Variants in HS6ST3 observed in about 807,000 individuals in gnomAD.
HS6ST3 encodes heparan-sulfate 6-O-sulfotransferase 3.
HS6ST3 carries 12 observed loss-of-function variants against 36.7 expected under a neutral mutation model. The ratio of observed to expected loss-of-function variants is 0.33; its 90% CI spans 0.21 to 0.53. HS6ST3 has a LOEUF of 0.53. Ranked by LOEUF, HS6ST3 falls within the 20% of genes least tolerant of loss-of-function variation. The pLI is 0.95. For synonymous variants in HS6ST3, 240 were observed against 257.5 expected (o/e 0.93, Z 0.65); for missense variants, 584 against 640.9 (o/e 0.91, Z 0.96).
At chr13:96,158,892 C>G (rs1235140047) in intron 1 of HS6ST3, among the ~76,000 whole-genome samples, 2 of 151,882 alleles carry the variant, frequency 1.3e-5, no homozygotes, top group African/African-American at 4.8e-5. Context: ...AGAGCAAGAG[C>G]CAGGGTCCTT....
chr13:96,764,085 A>T (rs893061137), intron 1 of HS6ST3, among the ~76,000 whole-genome samples: 2 of 152,224 alleles, frequency 1.3e-5, no homozygotes, highest in African/African-American at 4.8e-5. Flanking sequence ...GTTTACTCAC[A>T]TTCACGTCTT....
intron 1 of HS6ST3, among the ~76,000 whole-genome samples, chr13:96,133,564 A>G (rs769593796): frequency 9.9e-5 from 15 of 152,064 alleles, no homozygotes; most frequent in Non-Finnish European, 2.1e-4. Context: ...GTGGGACTAC[A>G]GGTGTGCACC....
At chr13:96,425,132 C>T (rs1361925474) in intron 1 of HS6ST3, among the ~76,000 whole-genome samples, 1 of 152,274 alleles carries the variant, frequency 6.6e-6, no homozygotes, top group South Asian at 2.1e-4. Flanking sequence ...ATGCATGTAA[C>T]TAAAGGCAAA....
intron 1 of HS6ST3, among the ~76,000 whole-genome samples, chr13:96,330,757 G>T (rs1411365528): frequency 1.3e-5 from 2 of 150,548 alleles, no homozygotes; most frequent in Non-Finnish European, 3.0e-5. Context: ...AAGTTCTCCT[G>T]GATAATATCC....
intron 1 of HS6ST3, among the ~76,000 whole-genome samples, chr13:96,207,683 A>G (rs1175158127): frequency 6.6e-6 from 1 of 152,206 alleles, no homozygotes; most frequent in Admixed American, 6.5e-5. Flanking sequence ...TTGCAGGGAC[A>G]TGGATGGAAT....
chr13:96,816,973 CT>C (rs1209334808), intron 1 of HS6ST3, among the ~76,000 whole-genome samples: 2 of 152,246 alleles, frequency 1.3e-5, no homozygotes, highest in African/African-American at 2.4e-5. Context: ...GATTCTACCC[CT>C]ATCTACTGGG....
intron 1 of HS6ST3, among the ~76,000 whole-genome samples, chr13:96,508,838 C>T (rs755278113): frequency 1.4e-4 from 22 of 152,050 alleles, no homozygotes; most frequent in Non-Finnish European, 2.1e-4. Flanking sequence ...TATAAACATA[C>T]GTGTGCAAGT....
At chr13:96,324,235 A>G (rs930039113) in intron 1 of HS6ST3, among the ~76,000 whole-genome samples, 2 of 152,218 alleles carry the variant, frequency 1.3e-5, no homozygotes, top group Non-Finnish European at 2.9e-5. Flanking sequence ...CCACTCCACC[A>G]ACATAACATA....
At chr13:96,424,998 G>A (rs1413950416) in intron 1 of HS6ST3, among the ~76,000 whole-genome samples, 1 of 152,116 alleles carries the variant, frequency 6.6e-6, no homozygotes, top group African/African-American at 2.4e-5. Context: ...GATTTTTGGG[G>A]GGATAAAGAG....
At chr13:96,199,864 T>TA (rs748013806) in intron 1 of HS6ST3, among the ~76,000 whole-genome samples, 1 of 152,004 alleles carries the variant, frequency 6.6e-6, no homozygotes, top group Non-Finnish European at 1.5e-5. Context: ...TTTTTTTTTT[T>TA]ATATAGCTTT....
At chr13:96,114,304 C>T (rs1242998465) in intron 1 of HS6ST3, among the ~76,000 whole-genome samples, 8 of 152,106 alleles carry the variant, frequency 5.3e-5, no homozygotes, top group South Asian at 2.1e-4. Flanking sequence ...AGGTTGTCAC[C>T]GTGCCTGGCT....
intron 1 of HS6ST3, among the ~76,000 whole-genome samples, chr13:96,267,952 C>T (rs1174773540): frequency 6.6e-6 from 1 of 151,834 alleles, no homozygotes; most frequent in African/African-American, 2.4e-5. Context: ...TAGGCAGCTT[C>T]CTTCTTGCTG....
intron 1 of HS6ST3, among the ~76,000 whole-genome samples, chr13:96,266,713 A>G (rs543797239): frequency 2.0e-5 from 3 of 152,250 alleles, no homozygotes; most frequent in African/African-American, 7.2e-5. Context: ...AAAAAAATAC[A>G]CTATAGCTAA....
At chr13:96,420,927 A>C (rs994714654) in intron 1 of HS6ST3, among the ~76,000 whole-genome samples, 1 of 152,108 alleles carries the variant, frequency 6.6e-6, no homozygotes, top group African/African-American at 2.4e-5. Context: ...CTCCAGTTTG[A>C]CCTTTTTTCC....
intron 1 of HS6ST3, among the ~76,000 whole-genome samples, chr13:96,387,988 C>G (rs927481133): frequency 4.6e-5 from 7 of 152,148 alleles, no homozygotes; most frequent in African/African-American, 1.7e-4. Flanking sequence ...ACCACCAATT[C>G]TGATATAAAA....
At chr13:96,655,026 T>C (rs908613535) in intron 1 of HS6ST3, among the ~76,000 whole-genome samples, 1 of 152,140 alleles carries the variant, frequency 6.6e-6, no homozygotes, top group African/African-American at 2.4e-5. Flanking sequence ...ACTTCTTGGC[T>C]GTCTTGGCTG....
intron 1 of HS6ST3, among the ~76,000 whole-genome samples, chr13:96,712,680 G>A (rs943023388): frequency 4.6e-5 from 7 of 152,164 alleles, no homozygotes; most frequent in African/African-American, 1.7e-4. Context: ...GCAACTGTCA[G>A]ATGGCTTCCG....
chr13:96,096,546 T>C (rs1452664487), intron 1 of HS6ST3, among the ~76,000 whole-genome samples: 2 of 152,234 alleles, frequency 1.3e-5, no homozygotes, highest in Non-Finnish European at 2.9e-5. Context: ...ATAAATGAAC[T>C]AGTCCTCTAG....
chr13:96,655,172 G>T (rs1361281085), intron 1 of HS6ST3, among the ~76,000 whole-genome samples: 1 of 152,096 alleles, frequency 6.6e-6, no homozygotes, highest in Non-Finnish European at 1.5e-5. Flanking sequence ...GAGCATCTTA[G>T]TTCCTTATTT....
Sources: allele counts gnomAD v4.1 joint callset (sites outside exome capture counted in the v4.1 genomes callset), GRCh38; gene constraint gnomAD v4.1.1; transcripts MANE v1.5; gene names NCBI Gene and HGNC (gene_info 2026-07-23, HGNC 2026-07-21).